LINGO2: variants seen among roughly 807,000 people sequenced by gnomAD.
The protein encoded by LINGO2 is leucine-rich repeat and immunoglobulin-like domain-containing nogo receptor-interacting protein 2.
Under a neutral mutation model 30.6 loss-of-function variants are expected in LINGO2, and 14 were observed. The observed-to-expected ratio is 0.46, with a 90% CI of 0.30 to 0.72. LINGO2 has a LOEUF of 0.72. LINGO2 is among the 30% of genes least tolerant of loss of function. LINGO2 has a pLI of 0.07. For missense variants in LINGO2, 729 were observed against 751.7 expected (o/e 0.97, Z 0.35); for synonymous variants, 317 against 288.5 (o/e 1.10, Z -1.00).
rs536150552 is a variant in LINGO2 at position 28,005,895 on chromosome 9, T to C, written c.-36+6460A>G. Among the ~76,000 whole-genome samples the C allele has an allele frequency of 1.4e-4, 22 of 152,234 alleles. No individual in the cohort carries two copies. In the South Asian group the frequency reaches 3.3e-3, roughly 23 times the overall value. On this transcript the variant is annotated intron_variant, in intron 5 of 5. Coordinates refer to ENST00000379992, the Ensembl canonical transcript of LINGO2. ...GATAGTCAACCTGGCCCAGTATTCC[T>C]TCTTTGTCTGGTTTCTATTAAAGCC...
At chr9:28,429,586 A>C (rs1427468207) in intron 2 of LINGO2, among the ~76,000 whole-genome samples, 1 of 152,158 alleles carries the variant, frequency 6.6e-6, no homozygotes, top group Non-Finnish European at 1.5e-5. Context: ...CACCTTTTTC[A>C]GTTGAGACAC....
At chr9:28,375,321 A>T (rs927837784) in intron 2 of LINGO2, among the ~76,000 whole-genome samples, 9 of 152,344 alleles carry the variant, frequency 5.9e-5, no homozygotes, top group Admixed American at 4.6e-4. Context: ...GCTAGTCAGT[A>T]GTAAGCTGAT....
At chr9:28,475,229 T>A (rs1825683960) in intron 2 of LINGO2, among the ~76,000 whole-genome samples, 1 of 152,194 alleles carries the variant, frequency 6.6e-6, no homozygotes, top group Non-Finnish European at 1.5e-5. Flanking sequence ...CATATAAATA[T>A]ACAGTCATCA....
chr9:28,304,114 T>G (rs1240087896), intron 3 of LINGO2, among the ~76,000 whole-genome samples: 3 of 152,160 alleles, frequency 2.0e-5, no homozygotes, highest in East Asian at 1.9e-4. Flanking sequence ...TTTTGTGAGA[T>G]GTGGATCTCC....
the LINGO2 span, among the ~76,000 whole-genome samples, chr9:28,977,731 C>G: frequency 1.3e-5 from 2 of 152,210 alleles, no homozygotes; most frequent in South Asian, 4.1e-4. Flanking sequence ...ACAGTTTAGT[C>G]CAAGCCAGAA....
At chr9:28,671,679 C>T (rs551139867), upstream of LINGO2, among the ~76,000 whole-genome samples, 17 of 151,906 alleles carry the variant, frequency 1.1e-4, no homozygotes, top group East Asian at 1.9e-4. Context: ...TTACGTATCA[C>T]GTACTATGCC....
chr9:28,107,028 T>C (rs1826615471), intron 4 of LINGO2, among the ~76,000 whole-genome samples: 1 of 152,176 alleles, frequency 6.6e-6, no homozygotes, highest in Admixed American at 6.5e-5. Context: ...CCCCCATTCC[T>C]TAATTCCTCC....
intron 4 of LINGO2, among the ~76,000 whole-genome samples, chr9:28,275,684 CA>C (rs892210442): frequency 1.3e-5 from 2 of 152,130 alleles, no homozygotes; most frequent in African/African-American, 4.8e-5. Context: ...CTATAAAAAA[CA>C]AAGTTGAAAA....
At chr9:28,374,245 G>T (rs963971498) in intron 2 of LINGO2, among the ~76,000 whole-genome samples, 3 of 146,638 alleles carry the variant, frequency 2.0e-5, no homozygotes, top group Non-Finnish European at 4.5e-5. Context: ...ATATCCAATT[G>T]TGCATAGAAA....
the LINGO2 span, among the ~76,000 whole-genome samples, chr9:28,986,486 T>G: frequency 6.6e-6 from 1 of 152,084 alleles, no homozygotes; most frequent in Non-Finnish European, 1.5e-5. Context: ...TTAAAAATAC[T>G]AATACTTCCA....
chr9:28,157,525 G>A (rs1360714184), intron 4 of LINGO2, among the ~76,000 whole-genome samples: 1 of 152,174 alleles, frequency 6.6e-6, no homozygotes, highest in Non-Finnish European at 1.5e-5. Context: ...CCATTGTATT[G>A]GGGATTAACA....
intron 4 of LINGO2, among the ~76,000 whole-genome samples, chr9:28,237,660 C>T (rs542253805): frequency 6.6e-6 from 1 of 152,110 alleles, no homozygotes; most frequent in Non-Finnish European, 1.5e-5. Context: ...CAAGACCAGC[C>T]TGGCCAACGT....
chr9:28,304,854 C>G (rs1824283586), intron 3 of LINGO2, among the ~76,000 whole-genome samples: 1 of 151,810 alleles, frequency 6.6e-6, no homozygotes. Context: ...GCATGAAAAA[C>G]AAAATTTGAA....
chr9:27,986,698 T>C (rs1386620091), intron 5 of LINGO2, among the ~76,000 whole-genome samples: 1 of 151,808 alleles, frequency 6.6e-6, no homozygotes, highest in African/African-American at 2.4e-5. Context: ...CGTCCCTCCT[T>C]GAGCACTTTC....
intron 5 of LINGO2, among the ~76,000 whole-genome samples, chr9:27,986,953 T>A (rs1821152507): frequency 6.6e-6 from 1 of 151,870 alleles, no homozygotes; most frequent in Admixed American, 6.6e-5. Flanking sequence ...CAGCAAGACC[T>A]GCTCCTTGGG....
intron 5 of LINGO2, among the ~76,000 whole-genome samples, chr9:27,987,949 T>A (rs1409813220): frequency 6.6e-6 from 1 of 151,986 alleles, no homozygotes; most frequent in Non-Finnish European, 1.5e-5. Context: ...GCGTGCTGCA[T>A]CCATTAACTC....
At chr9:29,119,040 C>A in the LINGO2 span, among the ~76,000 whole-genome samples, 1 of 152,068 alleles carries the variant, frequency 6.6e-6, no homozygotes, top group Non-Finnish European at 1.5e-5. Context: ...ACAGAGATAC[C>A]ATCCTCAGTC....
At chr9:29,159,394 A>G in the LINGO2 span, among the ~76,000 whole-genome samples, 1 of 152,150 alleles carries the variant, frequency 6.6e-6, no homozygotes, top group Non-Finnish European at 1.5e-5. Flanking sequence ...TTCATTAGAG[A>G]GCAATCTACA....
chr9:28,896,337 ATGCGGC>A, the LINGO2 span, among the ~76,000 whole-genome samples: 1 of 152,184 alleles, frequency 6.6e-6, no homozygotes, highest in African/African-American at 2.4e-5. Flanking sequence ...CATTTGGTAC[ATGCGGC>A]TTTATTTTAG....
Sources: gnomAD v4.1 joint callset for allele counts (sites outside exome capture counted in the v4.1 genomes callset) on GRCh38, gnomAD v4.1.1 for gene constraint, MANE v1.5 for transcripts, NCBI Gene and HGNC (gene_info 2026-07-23, HGNC 2026-07-21) for gene names.